WNT5A: variants seen among roughly 807,000 people sequenced by gnomAD.
The protein encoded by WNT5A is protein Wnt-5a.
WNT5A carries 9 observed loss-of-function variants against 42.1 expected under a neutral mutation model. That is an observed-to-expected ratio of 0.21 (90% CI 0.13 to 0.37). WNT5A has a LOEUF of 0.37. Among genes scored for constraint, WNT5A ranks in the 10% least tolerant of loss-of-function variants. The pLI, the probability that WNT5A is intolerant of heterozygous loss-of-function variation, is 1.00. For missense variants in WNT5A, 426 were observed against 534.0 expected, an observed-to-expected ratio of 0.80 and a Z score of 1.99; for synonymous variants, 210 against 210.0, an observed-to-expected ratio of 1.00 and a Z score of 0.00.
At chr3:55,501,453 G>A in the WNT5A span, 1 of 152,236 alleles carries the variant, frequency 6.6e-6, no homozygotes, top group Non-Finnish European at 1.5e-5. Context: ...ACAAAGAAGT[G>A]CTGGTTGTGT....
chr3:55,479,460 A>T lies in WNT5A; in HGVS notation c.245T>A (p.Leu82Gln). The T allele has an allele frequency of 6.2e-7, 1 of 1,614,006 alleles. No homozygotes were observed. The highest frequency in any genetic ancestry group is 8.5e-7 in the Non-Finnish European group (1 of 1,179,896). The change falls in exon 3 of 5, where the codon CTG becomes CAG. Residue 82 changes from leucine to glutamine, a missense_variant. This residue lies in a region of WNT5A where 358 missense variants were observed against 468.1 expected (regional missense o/e 0.76). Transcript: ENST00000264634. ...LAGLSQGQKK[L>Q]CHLYQDHMQY... ...CATGTGGTCCTGATACAAGTGGCACAGTTTCTTCTGTCCTTGAGAAAGTCC... is the reference window on the plus strand; with the variant it reads ...CATGTGGTCCTGATACAAGTGGCACTGTTTCTTCTGTCCTTGAGAAAGTCC...
intron 3 of WNT5A, 58 bp from the exon 4 acceptor site, chr3:55,474,687 T>G (rs1575398848): frequency 5.6e-5 from 20 of 359,684 alleles, no homozygotes; most frequent in South Asian, 2.4e-4. Flanking sequence ...GCCGGGATGC[T>G]GCCGGGGGTG....
At chr3:55,502,115 A>C in the WNT5A span, among the ~76,000 whole-genome samples, 4 of 152,334 alleles carry the variant, frequency 2.6e-5, no homozygotes, top group African/African-American at 9.6e-5. Flanking sequence ...TTCTTTGAGC[A>C]GCCAAATCAG....
At chr3:55,472,378 T>C (rs2106902993) in intron 4 of WNT5A, among the ~76,000 whole-genome samples, 1 of 152,210 alleles carries the variant, frequency 6.6e-6, no homozygotes, top group East Asian at 1.9e-4. Context: ...AATATGGGCA[T>C]ACCCCTGGAT....
At chr3:55,491,383 G>C (rs1457938422), upstream of WNT5A, among the ~76,000 whole-genome samples, 1 of 152,122 alleles carries the variant, frequency 6.6e-6, no homozygotes, top group African/African-American at 2.4e-5. Context: ...TGTGCATTTG[G>C]GTGTGTGCCT....
At chr3:55,494,060 G>C (rs1255723342), upstream of WNT5A, 1 of 152,200 alleles carries the variant, frequency 6.6e-6, no homozygotes, top group East Asian at 1.9e-4. Context: ...TACATGCTGG[G>C]TTTAGAAGAA....
In WNT5A at chr3:55,479,274, A is replaced by G. The variant is rs758993862; in HGVS notation, c.391+40T>C. ...TGCTAAGGATTTCTTCTAGGAAAAAAAGTTAATGTTTTAAAAAAATATTTT... is the reference window on the plus strand; with the variant it reads ...TGCTAAGGATTTCTTCTAGGAAAAAGAGTTAATGTTTTAAAAAAATATTTT... On this transcript the variant is annotated intron_variant, in intron 3 of 4. Transcript: ENST00000264634. 4.1e-6 allele frequency: 6 copies of G among 1,447,704 alleles called. No individual in the cohort carries two copies. The Admixed American group carries it at 1.6e-4, about 38-fold the overall frequency. The allele number at this position is 1,447,704 out of a possible 1,614,324, so 89.7% of individuals were successfully genotyped here.
At chr3:55,479,739 A>G (rs1041916296) in intron 2 of WNT5A, among the ~76,000 whole-genome samples, 175 bp from the exon 3 acceptor site, 2 of 152,178 alleles carry the variant, frequency 1.3e-5, no homozygotes, top group Non-Finnish European at 2.9e-5. Context: ...AACTGCACTC[A>G]GAAAACGGAG....
intron 3 of WNT5A, among the ~76,000 whole-genome samples, chr3:55,478,522 G>A (rs1051899772): frequency 3.9e-5 from 6 of 152,116 alleles, no homozygotes; most frequent in Non-Finnish European, 7.4e-5. Context: ...CTGTCAAATA[G>A]TATCCTATAC....
chr3:55,499,129 C>CA, the WNT5A span, among the ~76,000 whole-genome samples: 13 of 152,262 alleles, frequency 8.5e-5, no homozygotes, highest in Admixed American at 2.6e-4. Flanking sequence ...GTAAAAAAGG[C>CA]AAAGTCAGGT....
chr3:55,493,155 G>T (rs564610417), upstream of WNT5A, among the ~76,000 whole-genome samples: 1 of 152,336 alleles, frequency 6.6e-6, no homozygotes, highest in South Asian at 2.1e-4. Flanking sequence ...TCTGGAAAGA[G>T]CTTGTTATCC....
At position 55,466,598 on chromosome 3, in the gene WNT5A, G is replaced by A. The variant is rs529454806; in HGVS notation, c.*3494C>T. 1.3e-5 allele frequency: 2 copies of A among 152,502 alleles called. No homozygotes were observed. Among genetic ancestry groups the A allele is most frequent in the Non-Finnish European group, 2.9e-5 (2 of 68,024 alleles). 9.4% of individuals were successfully genotyped at this position (152,502 alleles called of 1,614,324 possible). A position where few individuals can be genotyped will look rare whatever the true frequency, so the allele number is the denominator to read the frequency against. On this transcript the variant is annotated 3_prime_UTR_variant, in exon 5 of 5. Coordinates refer to ENST00000264634, the MANE Select transcript of WNT5A (RefSeq NM_003392.7). ...AAACTTAAAAGTCTTCTTTCTATTTGAGCCCATAATGACTATTTTGAACAT... is the reference window on the plus strand; with the variant it reads ...AAACTTAAAAGTCTTCTTTCTATTTAAGCCCATAATGACTATTTTGAACAT...
intron 1 of WNT5A, among the ~76,000 whole-genome samples, chr3:55,485,919 A>G (rs1184012017): frequency 6.6e-6 from 1 of 152,150 alleles, no homozygotes; most frequent in East Asian, 1.9e-4. Context: ...CTTAATTTCA[A>G]TTCTAACCTT....
chr3:55,488,133 G>GC (rs1485651814), upstream of WNT5A: 1 of 152,654 alleles, frequency 6.6e-6, no homozygotes, highest in Non-Finnish European at 1.5e-5. Context: ...CGGGTCCGAG[G>GC]GGCGGGAGAG....
intron 1 of WNT5A, chr3:55,481,240 C>A: frequency 5.1e-6 from 5 of 975,990 alleles, no homozygotes; most frequent in Non-Finnish European, 6.2e-6. Context: ...TCCCGCACCC[C>A]CTGGCCCCCC....
upstream of WNT5A, among the ~76,000 whole-genome samples, chr3:55,492,171 T>C (rs1575411580): frequency 7.0e-6 from 1 of 142,456 alleles, no homozygotes; most frequent in Non-Finnish European, 1.5e-5. Context: ...ATAACACTTA[T>C]GTGTTATGTG....
the WNT5A span, among the ~76,000 whole-genome samples, chr3:55,499,712 G>T: frequency 6.6e-6 from 1 of 152,126 alleles, no homozygotes; most frequent in Non-Finnish European, 1.5e-5. Context: ...GGTGGCTCAC[G>T]CCTGTAATCC....
chr3:55,487,396 G>A (rs1299517978), upstream of WNT5A: 1 of 215,490 alleles, frequency 4.6e-6, no homozygotes, highest in Non-Finnish European at 9.1e-6. Context: ...TTGTGCAAAA[G>A]ACCTTACGAC....
chr3:55,470,508 C>T lies in WNT5A; in HGVS notation c.727G>A (p.Val243Met). The change falls in exon 5 of 5, where the codon GTG becomes ATG. Residue 243 changes from valine (V) to methionine (M), a missense_variant. Coordinates refer to ENST00000264634, the MANE Select transcript of WNT5A (RefSeq NM_003392.7). Reference protein sequence around the residue: ...LADVACKCHGVSGSCSLKTCW... With the variant: ...LADVACKCHGMSGSCSLKTCW... ...GTCTTCAGGCTACATGAGCCGGACACCCCATGGCACTTGCAGGCCACATCA... is the reference window on the plus strand; with the variant it reads ...GTCTTCAGGCTACATGAGCCGGACATCCCATGGCACTTGCAGGCCACATCA... The T allele has an allele frequency of 6.3e-7, 1 of 1,589,962 alleles. No individual in the cohort carries two copies. The highest frequency in any genetic ancestry group is 1.1e-5 in the South Asian group (1 of 87,228).
Sources: allele counts gnomAD v4.1 joint callset (sites outside exome capture counted in the v4.1 genomes callset), GRCh38; gene constraint gnomAD v4.1.1; regional missense constraint gnomAD v4.1.1; transcripts MANE v1.5; gene names NCBI Gene and HGNC (gene_info 2026-07-23, HGNC 2026-07-21).